LRRTM4: variants seen among roughly 807,000 people sequenced by gnomAD.
LRRTM4 encodes leucine-rich repeat transmembrane neuronal protein 4.
In LRRTM4, 25 loss-of-function variants were observed where a neutral mutation model predicts 47.6. The observed-to-expected ratio is 0.53, with a 90% CI of 0.38 to 0.73. The LOEUF (loss-of-function observed/expected upper bound fraction) is 0.73. Among genes scored for constraint, LRRTM4 ranks in the 30% least tolerant of loss-of-function variants. The pLI is 0.00. For synonymous variants in LRRTM4, 311 were observed against 269.5 expected (o/e 1.15, Z -1.51); for missense variants, 638 against 713.4 (o/e 0.89, Z 1.20).
At chr2:76,892,802 A>G (rs1190310475) in intron 3 of LRRTM4, among the ~76,000 whole-genome samples, 1 of 151,742 alleles carries the variant, frequency 6.6e-6, no homozygotes, top group East Asian at 1.9e-4. Context: ...TCATTTCCCA[A>G]ACACATTTAT....
At chr2:76,999,397 G>C (rs1380993851) in intron 3 of LRRTM4, among the ~76,000 whole-genome samples, 3 of 150,826 alleles carry the variant, frequency 2.0e-5, no homozygotes, top group Admixed American at 2.0e-4. Flanking sequence ...GCCAATCGTA[G>C]AGCTGCAAAA....
chr2:76,979,045 G>A (rs933933897), intron 3 of LRRTM4, among the ~76,000 whole-genome samples: 3 of 152,024 alleles, frequency 2.0e-5, no homozygotes, highest in Non-Finnish European at 4.4e-5. Context: ...TCCACCATCA[G>A]AAAAGTACCA....
intron 3 of LRRTM4, among the ~76,000 whole-genome samples, chr2:77,182,838 A>T (rs899601472): frequency 6.6e-6 from 1 of 152,184 alleles, no homozygotes; most frequent in African/African-American, 2.4e-5. Flanking sequence ...TGGGGAAAGG[A>T]TTCCCTATTT....
intron 3 of LRRTM4, among the ~76,000 whole-genome samples, chr2:77,245,397 C>CAAAAA (rs1675413181): frequency 6.7e-6 from 1 of 149,118 alleles, no homozygotes; most frequent in South Asian, 2.1e-4. Context: ...AAATAAAAAA[C>CAAAAA]AAAACAAAAC....
chr2:77,241,736 T>C (rs1310583338), intron 3 of LRRTM4, among the ~76,000 whole-genome samples: 2 of 152,136 alleles, frequency 1.3e-5, no homozygotes, highest in Admixed American at 1.3e-4. Context: ...GATACATACA[T>C]CTCCAATCCA....
chr2:77,516,541 C>T, intron 3 of LRRTM4: 1 of 865,192 alleles, frequency 1.2e-6, no homozygotes, highest in South Asian at 5.3e-5. Context: ...TATATACCAG[C>T]CTTTAAGAGG....
chr2:77,105,421 C>A (rs942348484), intron 3 of LRRTM4, among the ~76,000 whole-genome samples: 1 of 148,022 alleles, frequency 6.8e-6, no homozygotes, highest in African/African-American at 2.5e-5. Flanking sequence ...AACCAAACAC[C>A]GCATGTTCTG....
intron 3 of LRRTM4, among the ~76,000 whole-genome samples, chr2:77,424,883 GT>G (rs1675045957): frequency 6.6e-6 from 1 of 152,098 alleles, no homozygotes. Context: ...TCCATTATTA[GT>G]GTTGGTTGTT....
intron 3 of LRRTM4, among the ~76,000 whole-genome samples, chr2:77,040,571 G>A (rs1314965569): frequency 2.0e-5 from 3 of 151,380 alleles, no homozygotes; most frequent in Non-Finnish European, 4.4e-5. Context: ...GCAAAATACT[G>A]TGGAGCCTTT....
At chr2:77,251,027 T>G (rs1010338561) in intron 3 of LRRTM4, among the ~76,000 whole-genome samples, 11 of 151,608 alleles carry the variant, frequency 7.3e-5, no homozygotes, top group Non-Finnish European at 4.4e-5. Context: ...CCCTTGAACC[T>G]GGGAGGTGGA....
chr2:77,091,850 G>C (rs1190523457), intron 3 of LRRTM4, among the ~76,000 whole-genome samples: 1 of 145,688 alleles, frequency 6.9e-6, no homozygotes, highest in Non-Finnish European at 1.5e-5. Flanking sequence ...CCTGCCAATC[G>C]TGTCCAACTG....
intron 3 of LRRTM4, among the ~76,000 whole-genome samples, chr2:77,309,851 TG>T (rs1339933536): frequency 6.6e-6 from 1 of 152,140 alleles, no homozygotes; most frequent in Admixed American, 6.5e-5. Context: ...TAGGCCAACT[TG>T]GGTAATCATG....
chr2:77,334,438 G>C (rs1464320171), intron 3 of LRRTM4, among the ~76,000 whole-genome samples: 1 of 152,108 alleles, frequency 6.6e-6, no homozygotes, highest in African/African-American at 2.4e-5. Context: ...TGGGGGCATG[G>C]TCTTTCCCGG....
At chr2:77,357,137 G>C (rs13431141) in intron 3 of LRRTM4, among the ~76,000 whole-genome samples, 8,699 of 152,088 alleles carry the variant, frequency 0.057, 841 homozygotes, top group African/African-American at 0.2. Flanking sequence ...GAGTAGTCAT[G>C]ACACTTATAT....
intron 3 of LRRTM4, among the ~76,000 whole-genome samples, chr2:76,774,186 T>A (rs573278851): frequency 2.0e-5 from 3 of 152,174 alleles, no homozygotes; most frequent in East Asian, 1.9e-4. Context: ...AACTTTTTTT[T>A]TTTTTATTTT....
At chr2:77,048,260 G>A (rs1395308382) in intron 3 of LRRTM4, among the ~76,000 whole-genome samples, 1 of 151,968 alleles carries the variant, frequency 6.6e-6, no homozygotes, top group Admixed American at 6.6e-5. Flanking sequence ...GGTACATTCA[G>A]AATGGTCAGC....
At chr2:77,195,830 C>A (rs542759941) in intron 3 of LRRTM4, among the ~76,000 whole-genome samples, 65 of 152,028 alleles carry the variant, frequency 4.3e-4, no homozygotes, top group African/African-American at 1.5e-3. Context: ...ATAGGGGGTG[C>A]TATTAATTAT....
chr2:77,026,017 A>T (rs1417290904), intron 3 of LRRTM4, among the ~76,000 whole-genome samples: 1 of 152,174 alleles, frequency 6.6e-6, no homozygotes. Context: ...GCAATGGGGG[A>T]ACAATGAATT....
At chr2:77,342,915 T>G (rs1397312621) in intron 3 of LRRTM4, among the ~76,000 whole-genome samples, 2 of 151,968 alleles carry the variant, frequency 1.3e-5, no homozygotes, top group African/African-American at 4.8e-5. Flanking sequence ...TTATCCAAAC[T>G]GGGCCATAAG....
Sources: allele counts gnomAD v4.1 joint callset (sites outside exome capture counted in the v4.1 genomes callset), GRCh38; gene constraint gnomAD v4.1.1; transcripts MANE v1.5; gene names NCBI Gene and HGNC (gene_info 2026-07-23, HGNC 2026-07-21).